RNGTT: variants seen among roughly 807,000 people sequenced by gnomAD.
RNGTT encodes RNA guanylyltransferase and 5'-phosphatase.
Under a neutral mutation model 79.3 loss-of-function variants are expected in RNGTT, and 33 were observed. The ratio of observed to expected loss-of-function variants is 0.42; its 90% confidence interval spans 0.32 to 0.56. The LOEUF is 0.56. Among genes scored for constraint, RNGTT ranks in the 20% least tolerant of loss-of-function variants. RNGTT has a pLI of 0.17. For synonymous variants in RNGTT, 222 were observed against 235.9 expected (o/e 0.94, Z 0.54); for missense variants, 497 against 739.1 (o/e 0.67, Z 3.80).
At chr6:88,913,214 C>CAAAAAAAAAAAAACA (rs58717773) in intron 4 of RNGTT, among the ~76,000 whole-genome samples, 2 of 65,544 alleles carry the variant, frequency 3.1e-5, no homozygotes, top group African/African-American at 4.6e-5. Flanking sequence ...CAAAAAAAAA[C>CAAAAAAAAAAAAACA]AAAAAAAAAA....
At chr6:88,827,446 A>G (rs1161545482) in intron 11 of RNGTT, among the ~76,000 whole-genome samples, 2 of 152,190 alleles carry the variant, frequency 1.3e-5, no homozygotes, top group African/African-American at 2.4e-5. Flanking sequence ...CTGGGTTTCA[A>G]GCACAAAACT....
intron 11 of RNGTT, among the ~76,000 whole-genome samples, chr6:88,837,116 G>A (rs1245006024): frequency 1.3e-5 from 2 of 152,116 alleles, no homozygotes; most frequent in Non-Finnish European, 2.9e-5. Context: ...TGCTCTGGCC[G>A]GGCATGGTGG....
intron 13 of RNGTT, among the ~76,000 whole-genome samples, chr6:88,696,599 A>AGTACAC (rs2127798431): frequency 8.9e-6 from 1 of 112,794 alleles, no homozygotes; most frequent in South Asian, 3.3e-4. Flanking sequence ...GAAATCCTGA[A>AGTACAC]GTACACACAC....
At chr6:88,955,167 A>T (rs1022140572) in intron 1 of RNGTT, among the ~76,000 whole-genome samples, 3 of 152,198 alleles carry the variant, frequency 2.0e-5, no homozygotes, top group Non-Finnish European at 4.4e-5. Flanking sequence ...AAATTTAAAA[A>T]TTTTTTGAAC....
chr6:88,759,506 T>C (rs1201633814), intron 13 of RNGTT, among the ~76,000 whole-genome samples: 1 of 152,180 alleles, frequency 6.6e-6, no homozygotes, highest in Non-Finnish European at 1.5e-5. Flanking sequence ...GTGTATCACA[T>C]ATTACATACA....
chr6:88,830,402 G>C (rs1420679050), intron 11 of RNGTT, among the ~76,000 whole-genome samples: 1 of 152,190 alleles, frequency 6.6e-6, no homozygotes, highest in Admixed American at 6.5e-5. Flanking sequence ...CAACGTACCA[G>C]AATCTTTGGG....
At chr6:88,736,551 G>A (rs1410498092) in intron 13 of RNGTT, among the ~76,000 whole-genome samples, 1 of 152,146 alleles carries the variant, frequency 6.6e-6, no homozygotes, top group Non-Finnish European at 1.5e-5. Context: ...AGAGAAGCTT[G>A]GTTACTCCTT....
At chr6:88,628,892 G>C (rs1297989468) in intron 14 of RNGTT, among the ~76,000 whole-genome samples, 2 of 152,096 alleles carry the variant, frequency 1.3e-5, no homozygotes, top group African/African-American at 4.8e-5. Context: ...TCAGCTAATG[G>C]AGCATCCTTT....
chr6:88,714,741 CTAAAAGTACTTTT>C (rs1582372279), intron 13 of RNGTT, among the ~76,000 whole-genome samples: 2 of 89,798 alleles, frequency 2.2e-5, no homozygotes, highest in Middle Eastern at 6.7e-3. Flanking sequence ...CGCGCCCGGC[CTAAAAGTACTTTT>C]TAAAAGTACT....
chr6:88,854,304 T>C (rs935197320), intron 8 of RNGTT, among the ~76,000 whole-genome samples: 1 of 152,184 alleles, frequency 6.6e-6, no homozygotes, highest in Non-Finnish European at 1.5e-5. Context: ...AAGTTTTTTA[T>C]GGAGATAATG....
intron 13 of RNGTT, among the ~76,000 whole-genome samples, chr6:88,765,126 A>C (rs1214387895): frequency 6.6e-6 from 1 of 151,130 alleles, no homozygotes; most frequent in Non-Finnish European, 1.5e-5. Context: ...CAGGAGGCAG[A>C]GCTTGCAGTG....
chr6:88,672,769 T>G (rs934391927), intron 14 of RNGTT, among the ~76,000 whole-genome samples: 5 of 152,184 alleles, frequency 3.3e-5, no homozygotes, highest in Admixed American at 3.3e-4. Flanking sequence ...GAAACTAGCA[T>G]GAAGATGCAC....
chr6:88,766,899 A>T (rs1365315298), intron 13 of RNGTT, among the ~76,000 whole-genome samples: 1 of 152,110 alleles, frequency 6.6e-6, no homozygotes, highest in Non-Finnish European at 1.5e-5. Context: ...TCACTAGTGC[A>T]TGCTTAATGA....
chr6:88,706,752 T>C (rs1776141742), intron 13 of RNGTT, among the ~76,000 whole-genome samples: 1 of 152,148 alleles, frequency 6.6e-6, no homozygotes, highest in African/African-American at 2.4e-5. Context: ...TTTTATAACT[T>C]CTTTAACTTA....
intron 1 of RNGTT, among the ~76,000 whole-genome samples, chr6:88,960,690 G>A (rs111807306): frequency 0.013 from 1,967 of 152,326 alleles, 16 homozygotes; most frequent in Non-Finnish European, 0.019. Context: ...GGAAAAAACA[G>A]TTCTTCAGAA....
At chr6:88,687,355 C>G (rs2610752) in intron 13 of RNGTT, among the ~76,000 whole-genome samples, 13,060 of 152,156 alleles carry the variant, frequency 0.086, 1,914 homozygotes, top group African/African-American at 0.3. Flanking sequence ...ACTAGTATAA[C>G]CCGTCTGGAG....
intron 13 of RNGTT, among the ~76,000 whole-genome samples, chr6:88,727,806 G>A (rs1776970948): frequency 6.6e-6 from 1 of 152,130 alleles, no homozygotes; most frequent in African/African-American, 2.4e-5. Context: ...AAAACAAAAG[G>A]TCAGTTTCTT....
rs1035354652 is a variant in RNGTT at position 88,755,681 on chromosome 6, G to A, written c.1439+14093C>T. On this transcript the variant is annotated intron_variant, in intron 13 of 15. Coordinates refer to ENST00000369485, the MANE Select transcript of RNGTT (RefSeq NM_003800.5). ...GGGGAGGATGAAAAGAACATCTTGA[G>A]GCTGGGCATAGTGGATCACACCTGT... Among the ~76,000 whole-genome samples the A allele has an allele frequency of 2.6e-5, 4 of 152,120 alleles. No homozygotes were observed. The South Asian group carries it at 8.3e-4, about 32-fold the overall frequency.
intron 13 of RNGTT, among the ~76,000 whole-genome samples, chr6:88,708,735 A>T (rs912708058): frequency 6.6e-6 from 1 of 152,132 alleles, no homozygotes; most frequent in African/African-American, 2.4e-5. Flanking sequence ...CCTTCTAAAA[A>T]TGGCATTTAT....
Sources: allele counts gnomAD v4.1 joint callset (sites outside exome capture counted in the v4.1 genomes callset), GRCh38; gene constraint gnomAD v4.1.1; transcripts MANE v1.5; gene names NCBI Gene and HGNC (gene_info 2026-07-23, HGNC 2026-07-21).